Variants in EEIG2 observed in about 807,000 individuals in gnomAD.
EEIG2 encodes EEIG family member 2, also known as family with sequence similarity 102 member B.
At chr1:108,579,766 TGTGTGTGA>T in the EEIG2 span, among the ~76,000 whole-genome samples, 2 of 14,792 alleles carry the variant, frequency 1.4e-4, no homozygotes, top group Admixed American at 1.2e-3. Flanking sequence ...TGTGTGTGTG[TGTGTGTGA>T]GAGAGAGAGA....
the EEIG2 span, among the ~76,000 whole-genome samples, chr1:108,601,332 A>G: frequency 6.6e-6 from 1 of 152,028 alleles, no homozygotes; most frequent in African/African-American, 2.4e-5. Flanking sequence ...AATAATACAT[A>G]TAATGGTCAA....
At chr1:108,598,714 C>T in the EEIG2 span, among the ~76,000 whole-genome samples, 3 of 152,150 alleles carry the variant, frequency 2.0e-5, no homozygotes, top group Non-Finnish European at 4.4e-5. Context: ...ATTTGTGTGT[C>T]TGTTTAGAAC....
the EEIG2 span, chr1:108,624,959 C>T: frequency 3.8e-6 from 2 of 523,644 alleles, no homozygotes; most frequent in East Asian, 3.0e-5. Flanking sequence ...ATGACACTCT[C>T]CTCACTGTAT....
the EEIG2 span, chr1:108,600,835 A>G: frequency 0.093 from 63,525 of 686,264 alleles, 4,745 homozygotes; most frequent in African/African-American, 0.28. Context: ...TTAAAATACC[A>G]TGGCAAATAT....
chr1:108,583,624 A>T, the EEIG2 span, among the ~76,000 whole-genome samples: 2 of 152,072 alleles, frequency 1.3e-5, no homozygotes, highest in Non-Finnish European at 2.9e-5. Flanking sequence ...TTTATTGCTA[A>T]TTCTGTGCTG....
the EEIG2 span, among the ~76,000 whole-genome samples, chr1:108,569,588 G>C: frequency 1.3e-5 from 2 of 152,156 alleles, no homozygotes; most frequent in Admixed American, 1.3e-4. Flanking sequence ...CGCCTAAACT[G>C]CTGGGATTAC....
the EEIG2 span, among the ~76,000 whole-genome samples, chr1:108,562,928 A>G: frequency 1.3e-5 from 2 of 152,248 alleles, no homozygotes; most frequent in Non-Finnish European, 2.9e-5. Context: ...AGTGGGTGCC[A>G]GTCAAGGCAG....
At chr1:108,590,676 G>C in the EEIG2 span, among the ~76,000 whole-genome samples, 1 of 152,166 alleles carries the variant, frequency 6.6e-6, no homozygotes, top group Non-Finnish European at 1.5e-5. Flanking sequence ...CCTGGCTCTG[G>C]ATCCTTTAAG....
chr1:108,606,483 T>C, the EEIG2 span, among the ~76,000 whole-genome samples: 1 of 152,230 alleles, frequency 6.6e-6, no homozygotes, highest in Non-Finnish European at 1.5e-5. Flanking sequence ...TAGAGGATGA[T>C]CTCTAGTTTG....
the EEIG2 span, among the ~76,000 whole-genome samples, chr1:108,624,141 C>G: frequency 2.0e-5 from 3 of 152,190 alleles, no homozygotes; most frequent in Admixed American, 2.0e-4. Flanking sequence ...TCTCTGTAGA[C>G]TCTCCCTGGG....
chr1:108,598,334 CAAAAAAAAAA>C, the EEIG2 span, among the ~76,000 whole-genome samples: 10 of 91,880 alleles, frequency 1.1e-4, no homozygotes, highest in South Asian at 8.1e-4. Context: ...ACCCTGTATC[CAAAAAAAAAA>C]AAAAAAAAAA....
chr1:108,598,625 A>T, the EEIG2 span, among the ~76,000 whole-genome samples: 5 of 152,146 alleles, frequency 3.3e-5, no homozygotes. Flanking sequence ...TCATTAAATC[A>T]CTTAAGGGTT....
At chr1:108,611,237 A>T in the EEIG2 span, among the ~76,000 whole-genome samples, 1 of 152,184 alleles carries the variant, frequency 6.6e-6, no homozygotes, top group African/African-American at 2.4e-5. Flanking sequence ...AATGTATAAT[A>T]CTTTTTATTG....
At chr1:108,594,028 G>A in the EEIG2 span, among the ~76,000 whole-genome samples, 1 of 151,900 alleles carries the variant, frequency 6.6e-6, no homozygotes, top group South Asian at 2.1e-4. Context: ...GGCTGGTCCC[G>A]AACTCCTGAG....
the EEIG2 span, among the ~76,000 whole-genome samples, chr1:108,632,570 A>C: frequency 1.3e-4 from 20 of 152,182 alleles, no homozygotes; most frequent in African/African-American, 4.1e-4. Context: ...TGAATGATGG[A>C]GTGAACATGT....
the EEIG2 span, among the ~76,000 whole-genome samples, chr1:108,570,237 T>C: frequency 1.3e-5 from 2 of 151,870 alleles, no homozygotes; most frequent in Non-Finnish European, 1.5e-5. Flanking sequence ...GAAAACAGAA[T>C]GATAAAGGGA....
the EEIG2 span, among the ~76,000 whole-genome samples, chr1:108,573,132 G>A: frequency 6.6e-6 from 1 of 152,164 alleles, no homozygotes; most frequent in Non-Finnish European, 1.5e-5. Flanking sequence ...ATGACTGCTG[G>A]ATCATATCAG....
the EEIG2 span, among the ~76,000 whole-genome samples, chr1:108,579,772 T>TGAGAGAGAGAGAGAGAGAGAGAGA: frequency 0.096 from 5,639 of 58,564 alleles, 651 homozygotes; most frequent in Non-Finnish European, 0.14. Flanking sequence ...TGTGTGTGTG[T>TGAGAGAGAGAGAGAGAGAGAGAGA]GAGAGAGAGA....
chr1:108,598,750 T>C, the EEIG2 span, among the ~76,000 whole-genome samples: 4 of 152,196 alleles, frequency 2.6e-5, no homozygotes, highest in Non-Finnish European at 5.9e-5. Flanking sequence ...AGTGCACATA[T>C]GACACACAAA....
Sources: allele counts gnomAD v4.1 joint callset (sites outside exome capture counted in the v4.1 genomes callset), GRCh38; gene constraint gnomAD v4.1.1; transcripts MANE v1.5; gene names NCBI Gene and HGNC (gene_info 2026-07-23, HGNC 2026-07-21).